The following KCNH7 variants were observed in gnomAD, a reference collection of about 807,000 sequenced individuals.
KCNH7 encodes the protein voltage-gated inwardly rectifying potassium channel KCNH7.
A neutral mutation model predicts 120.8 loss-of-function variants in KCNH7; 49 were observed. That is an observed-to-expected ratio of 0.41 (90% CI 0.32 to 0.51). The LOEUF is 0.51. KCNH7 is among the 20% of genes least tolerant of loss of function. The pLI, the probability that KCNH7 is intolerant of heterozygous loss-of-function variation, is 0.38. For synonymous variants in KCNH7, 547 were observed against 516.1 expected (o/e 1.06, Z -0.81); for missense variants, 1,097 against 1,446.6 (o/e 0.76, Z 3.92).
intron 2 of KCNH7, among the ~76,000 whole-genome samples, chr2:162,543,259 T>A (rs1692372393): frequency 6.6e-6 from 1 of 150,382 alleles, no homozygotes; most frequent in South Asian, 2.1e-4. Flanking sequence ...ATCCTTAACA[T>A]AATCTCTCTC....
chr2:162,505,535 T>C (rs1201336602), intron 5 of KCNH7, among the ~76,000 whole-genome samples: 1 of 151,902 alleles, frequency 6.6e-6, no homozygotes, highest in Non-Finnish European at 1.5e-5. Context: ...GGTTTCTTTG[T>C]TGAGGGAGTA....
chr2:162,470,167 C>A (rs1218777754), intron 6 of KCNH7, among the ~76,000 whole-genome samples: 1 of 151,956 alleles, frequency 6.6e-6, no homozygotes, highest in African/African-American at 2.4e-5. Context: ...CCTGGCCGCC[C>A]ATCGTCTGGG....
intron 12 of KCNH7, among the ~76,000 whole-genome samples, chr2:162,392,791 T>C (rs997665225): frequency 1.3e-5 from 2 of 151,824 alleles, no homozygotes; most frequent in East Asian, 2.0e-4. Context: ...GAAATAAGAC[T>C]GAAGAGGTAA....
At chr2:162,603,428 T>G (rs1369115760) in intron 2 of KCNH7, among the ~76,000 whole-genome samples, 2 of 152,128 alleles carry the variant, frequency 1.3e-5, no homozygotes, top group African/African-American at 2.4e-5. Flanking sequence ...ATACTATACT[T>G]TTATTATATG....
intron 2 of KCNH7, among the ~76,000 whole-genome samples, chr2:162,812,612 T>C (rs550676625): frequency 1.3e-5 from 2 of 152,138 alleles, no homozygotes; most frequent in East Asian, 3.9e-4. Context: ...ACAAATTTGG[T>C]TTTAGCCATG....
chr2:162,497,961 T>C (rs1690550677), intron 6 of KCNH7, among the ~76,000 whole-genome samples: 1 of 152,180 alleles, frequency 6.6e-6, no homozygotes, highest in Admixed American at 6.5e-5. Context: ...TTAAAGATTA[T>C]ATGGCTTTTT....
intron 3 of KCNH7, among the ~76,000 whole-genome samples, chr2:162,533,230 A>G (rs1219844348): frequency 2.0e-5 from 3 of 151,830 alleles, no homozygotes; most frequent in Non-Finnish European, 4.4e-5. Flanking sequence ...AGTTTTTAAA[A>G]GGGCAAAGAA....
chr2:162,654,270 A>T (rs1010711510), intron 2 of KCNH7, among the ~76,000 whole-genome samples: 6 of 152,050 alleles, frequency 3.9e-5, no homozygotes, highest in African/African-American at 1.4e-4. Flanking sequence ...TATTCAAAAT[A>T]TATAAGGAGC....
At chr2:162,748,459 A>AT (rs79255677) in intron 2 of KCNH7, among the ~76,000 whole-genome samples, 19 of 151,858 alleles carry the variant, frequency 1.3e-4, no homozygotes, top group Non-Finnish European at 2.4e-4. Context: ...TTGATGAACA[A>AT]TTTTTTTTTG....
At chr2:162,735,179 A>G (rs970208750) in intron 2 of KCNH7, among the ~76,000 whole-genome samples, 1 of 151,952 alleles carries the variant, frequency 6.6e-6, no homozygotes, top group Non-Finnish European at 1.5e-5. Flanking sequence ...AATATGAGTG[A>G]CTCCATCTTG....
chr2:162,752,904 A>AAAAAGAAAAGAAAAGAAAAGAAAAG (rs1688613503), intron 2 of KCNH7, among the ~76,000 whole-genome samples: 2 of 50,928 alleles, frequency 3.9e-5, no homozygotes, highest in Non-Finnish European at 4.5e-5. Flanking sequence ...ACATCTCAGA[A>AAAAAGAAAAGAAAAGAAAAGAAAAG]AAAGAAAAGA....
intron 9 of KCNH7, among the ~76,000 whole-genome samples, chr2:162,415,750 A>G (rs1359535453): frequency 6.6e-6 from 1 of 152,132 alleles, no homozygotes; most frequent in Non-Finnish European, 1.5e-5. Context: ...GAATGAAAGG[A>G]AAGGGAATAA....
intron 6 of KCNH7, among the ~76,000 whole-genome samples, chr2:162,487,854 A>G (rs564686862): frequency 2.0e-5 from 3 of 152,326 alleles, no homozygotes; most frequent in East Asian, 3.9e-4. Flanking sequence ...GCTGTAGTCA[A>G]TGAAGCTTAC....
At chr2:162,824,414 G>C (rs181448461) in intron 2 of KCNH7, among the ~76,000 whole-genome samples, 2 of 152,164 alleles carry the variant, frequency 1.3e-5, no homozygotes, top group East Asian at 3.9e-4. Flanking sequence ...GTCCTTCATT[G>C]GGGGGCAAAT....
At chr2:162,511,093 T>A (rs1324164791) in intron 5 of KCNH7, among the ~76,000 whole-genome samples, 3 of 151,568 alleles carry the variant, frequency 2.0e-5, no homozygotes, top group African/African-American at 7.3e-5. Flanking sequence ...ATCTATGTAA[T>A]AAATAAAGAA....
At chr2:162,797,080 G>A (rs1186767638) in intron 2 of KCNH7, 1 of 152,038 alleles carries the variant, frequency 6.6e-6, no homozygotes, top group Admixed American at 6.6e-5. Flanking sequence ...AACTCACTTT[G>A]TTGCAAGGCA....
intron 9 of KCNH7, among the ~76,000 whole-genome samples, chr2:162,414,440 A>T (rs1687481765): frequency 6.6e-6 from 1 of 151,358 alleles, no homozygotes; most frequent in Non-Finnish European, 1.5e-5. Context: ...TTATTATATT[A>T]TGCATTATAT....
intron 2 of KCNH7, among the ~76,000 whole-genome samples, chr2:162,547,059 G>C (rs60609153): frequency 6.6e-6 from 1 of 152,122 alleles, no homozygotes; most frequent in Non-Finnish European, 1.5e-5. Flanking sequence ...GGAGGCCTCA[G>C]GAAACTTACA....
intron 2 of KCNH7, among the ~76,000 whole-genome samples, chr2:162,624,155 C>T (rs557343264): frequency 6.6e-6 from 1 of 152,216 alleles, no homozygotes; most frequent in South Asian, 2.1e-4. Context: ...GACTCAATGA[C>T]CCAGGATCAC....
Sources: gnomAD v4.1 joint callset for allele counts (sites outside exome capture counted in the v4.1 genomes callset) on GRCh38, gnomAD v4.1.1 for gene constraint, MANE v1.5 for transcripts, NCBI Gene and HGNC (gene_info 2026-07-23, HGNC 2026-07-21) for gene names.